The following PDE7B variants were observed in gnomAD, a reference collection of about 807,000 sequenced individuals.
PDE7B encodes the protein 3',5'-cyclic-AMP phosphodiesterase 7B.
Under a neutral mutation model 56.2 loss-of-function variants are expected in PDE7B, and 29 were observed. That is an observed-to-expected ratio of 0.52 (90% CI 0.38 to 0.70). PDE7B has a LOEUF of 0.70. Ranked by LOEUF, PDE7B falls within the 30% of genes least tolerant of loss-of-function variation. The pLI is 0.00. For synonymous variants in PDE7B, 197 were observed against 196.9 expected, an observed-to-expected ratio of 1.00 and a Z score of 0.00; for missense variants, 490 against 565.0, an observed-to-expected ratio of 0.87 and a Z score of 1.35.
chr6:136,160,820 A>G (rs1778691438), intron 8 of PDE7B, among the ~76,000 whole-genome samples: 1 of 151,956 alleles, frequency 6.6e-6, no homozygotes, highest in Admixed American at 6.6e-5. Context: ...CAAACATATC[A>G]CTCAATTCTT....
intron 3 of PDE7B, among the ~76,000 whole-genome samples, chr6:136,139,142 CCA>C (rs1033790725): frequency 5.3e-5 from 8 of 152,062 alleles, no homozygotes; most frequent in African/African-American, 1.7e-4. Context: ...ACAACAGGCC[CCA>C]GTGTGTGATG....
intron 8 of PDE7B, among the ~76,000 whole-genome samples, chr6:136,171,794 G>T (rs574670646): frequency 1.2e-3 from 112 of 95,792 alleles, no homozygotes; most frequent in African/African-American, 4.8e-3. Context: ...CCCCTCCCCC[G>T]ACCCCACAAC....
At chr6:136,147,526 C>T (rs1273886869) in intron 4 of PDE7B, 24 bp downstream of exon 4, 3 of 1,608,506 alleles carry the variant, frequency 1.9e-6, no homozygotes, top group East Asian at 4.5e-5. Context: ...CCCATCTCCT[C>T]ACAGCAGGCC....
chr6:136,111,236 CTAAA>C (rs1003732542), intron 3 of PDE7B: 34 of 152,118 alleles, frequency 2.2e-4, no homozygotes, highest in Non-Finnish European at 4.4e-4. Flanking sequence ...CTCTTTATCC[CTAAA>C]TAGACTATCA....
At chr6:136,147,304 GCT>G in intron 3 of PDE7B, 45 bp from the exon 4 acceptor site, 2 of 1,302,784 alleles carry the variant, frequency 1.5e-6, no homozygotes, top group Middle Eastern at 2.0e-4. Context: ...GAGAAAATTG[GCT>G]CTCTTTTAAA....
At chr6:135,945,122 T>G (rs565709515) in intron 1 of PDE7B, among the ~76,000 whole-genome samples, 1 of 152,282 alleles carries the variant, frequency 6.6e-6, no homozygotes, top group Non-Finnish European at 1.5e-5. Flanking sequence ...AGAAAATGCA[T>G]CCCAGTAATT....
At chr6:136,046,176 G>C (rs913773447) in intron 2 of PDE7B, 1 of 152,074 alleles carries the variant, frequency 6.6e-6, no homozygotes, top group African/African-American at 2.4e-5. Flanking sequence ...GAGCACCCAG[G>C]AAAAGGAAGT....
intron 1 of PDE7B, among the ~76,000 whole-genome samples, chr6:135,906,829 T>TTTTTTTG (rs1776123297): frequency 2.1e-5 from 3 of 142,604 alleles, no homozygotes; most frequent in African/African-American, 8.5e-5. Context: ...TTTTTTTTTT[T>TTTTTTTG]TTTTTTTAAT....
intron 3 of PDE7B, among the ~76,000 whole-genome samples, chr6:136,124,832 T>C (rs1233830245): frequency 6.6e-6 from 1 of 152,238 alleles, no homozygotes; most frequent in Non-Finnish European, 1.5e-5. Context: ...ATATATAACA[T>C]GCTGACAACA....
chr6:136,149,299 G>A (rs896260692), intron 5 of PDE7B, 149 bp downstream of exon 5: 3 of 627,348 alleles, frequency 4.8e-6, no homozygotes, highest in South Asian at 3.9e-5. Context: ...AAGGACCGGG[G>A]TAAGGGAAAA....
intron 1 of PDE7B, among the ~76,000 whole-genome samples, chr6:135,887,307 G>C (rs188958093): frequency 3.3e-5 from 5 of 152,220 alleles, no homozygotes; most frequent in African/African-American, 4.8e-5. Flanking sequence ...GATTTGCTGA[G>C]CATTTATACT....
chr6:136,151,622 T>C (rs1417748528), intron 6 of PDE7B, among the ~76,000 whole-genome samples: 1 of 152,214 alleles, frequency 6.6e-6, no homozygotes, highest in African/African-American at 2.4e-5. Context: ...CTTTGTATTA[T>C]GTATTGTATT....
At chr6:135,953,313 A>T (rs2128200321) in intron 2 of PDE7B, among the ~76,000 whole-genome samples, 1 of 152,284 alleles carries the variant, frequency 6.6e-6, no homozygotes, top group Middle Eastern at 3.4e-3. Context: ...AAAATAATAC[A>T]CAATCTGTTT....
chr6:135,964,739 C>T (rs976542601), intron 2 of PDE7B, among the ~76,000 whole-genome samples: 1 of 152,170 alleles, frequency 6.6e-6, no homozygotes, highest in Non-Finnish European at 1.5e-5. Flanking sequence ...ACCAGAAAAA[C>T]AGTAGTGAAT....
intron 2 of PDE7B, among the ~76,000 whole-genome samples, chr6:136,095,000 A>G (rs1777450131): frequency 6.6e-6 from 1 of 152,220 alleles, no homozygotes; most frequent in African/African-American, 2.4e-5. Context: ...TATTTTCCCC[A>G]AAACAGTCAT....
chr6:136,104,887 A>G (rs2128217563), intron 2 of PDE7B, among the ~76,000 whole-genome samples: 1 of 152,296 alleles, frequency 6.6e-6, no homozygotes, highest in South Asian at 2.1e-4. Context: ...GTAGTTATGG[A>G]CAGTGTCAGC....
At chr6:136,046,564 C>T (rs1776511785) in intron 2 of PDE7B, among the ~76,000 whole-genome samples, 1 of 152,180 alleles carries the variant, frequency 6.6e-6, no homozygotes, top group African/African-American at 2.4e-5. Flanking sequence ...CTGAGAGGTG[C>T]CAACCTCAGA....
chr6:135,909,910 C>T (rs1227421403), intron 1 of PDE7B, among the ~76,000 whole-genome samples: 2 of 152,100 alleles, frequency 1.3e-5, no homozygotes, highest in African/African-American at 4.8e-5. Flanking sequence ...TAGCTCTAGG[C>T]TGAAGAGCTC....
intron 1 of PDE7B, among the ~76,000 whole-genome samples, chr6:135,916,392 C>CTTTTTTTTTTTTTTTTTTTTTTTCTTT (rs566408380): frequency 1.0e-5 from 1 of 96,346 alleles, no homozygotes; most frequent in Non-Finnish European, 1.9e-5. Context: ...TCTTTTCTTT[C>CTTTTTTTTTTTTTTTTTTTTTTTCTTT]TTTTTTTTTT....
Sources: allele counts gnomAD v4.1 joint callset (sites outside exome capture counted in the v4.1 genomes callset), GRCh38; gene constraint gnomAD v4.1.1; transcripts MANE v1.5; gene names NCBI Gene and HGNC (gene_info 2026-07-23, HGNC 2026-07-21).